RPS6KC1: variants seen among roughly 807,000 people sequenced by gnomAD.
RPS6KC1 encodes inactive ribosomal protein S6 kinase delta-1.
In RPS6KC1, 54 loss-of-function variants were observed where a neutral mutation model predicts 103.8. The observed-to-expected ratio is 0.52, with a 90% CI of 0.42 to 0.65. RPS6KC1 has a LOEUF of 0.65. Ranked by LOEUF, RPS6KC1 falls within the 30% of genes least tolerant of loss-of-function variation. The probability of loss-of-function intolerance (pLI) is 0.00; values close to 1 mark genes in which losing one functional copy is unlikely to be tolerated. For missense variants in RPS6KC1, 1,151 were observed against 1,253.8 expected, an observed-to-expected ratio of 0.92 and a Z score of 1.24; for synonymous variants, 439 against 438.7, an observed-to-expected ratio of 1.00 and a Z score of -0.01.
the RPS6KC1 span, among the ~76,000 whole-genome samples, chr1:213,772,482 T>C: frequency 6.6e-6 from 1 of 152,204 alleles, no homozygotes. Context: ...GAAATATAAT[T>C]GTGTATACTT....
chr1:213,318,243 A>T, the RPS6KC1 span, among the ~76,000 whole-genome samples: 1 of 152,198 alleles, frequency 6.6e-6, no homozygotes, highest in Non-Finnish European at 1.5e-5. Context: ...TATCTTATGG[A>T]TATTTACAGC....
the RPS6KC1 span, among the ~76,000 whole-genome samples, chr1:213,708,945 C>T: frequency 2.0e-5 from 3 of 152,216 alleles, no homozygotes; most frequent in South Asian, 2.1e-4. Context: ...TTGCTGGATT[C>T]GGTTCGCCAG....
chr1:213,484,724 T>G, the RPS6KC1 span, among the ~76,000 whole-genome samples: 1 of 152,320 alleles, frequency 6.6e-6, no homozygotes, highest in Admixed American at 6.5e-5. Context: ...AGTGTCTTGG[T>G]TTAGGTTTGC....
At chr1:213,129,208 A>G (rs576467076) in intron 5 of RPS6KC1, among the ~76,000 whole-genome samples, 2 of 152,344 alleles carry the variant, frequency 1.3e-5, no homozygotes, top group Middle Eastern at 6.8e-3. Flanking sequence ...TATAGCAACT[A>G]TGTGTACAGG....
chr1:213,393,502 G>A, the RPS6KC1 span, among the ~76,000 whole-genome samples: 1 of 152,092 alleles, frequency 6.6e-6, no homozygotes, highest in Non-Finnish European at 1.5e-5. Flanking sequence ...CTGCTCACAG[G>A]CAATTTAAAG....
chr1:213,634,056 A>C, the RPS6KC1 span, among the ~76,000 whole-genome samples: 1 of 152,008 alleles, frequency 6.6e-6, no homozygotes, highest in Non-Finnish European at 1.5e-5. Context: ...GCACCCAATA[A>C]AGGAGCATCC....
the RPS6KC1 span, among the ~76,000 whole-genome samples, chr1:213,358,453 T>G: frequency 6.6e-6 from 1 of 152,254 alleles, no homozygotes; most frequent in African/African-American, 2.4e-5. Context: ...GATGGTAGTT[T>G]GTGTTTCTGT....
chr1:213,478,382 G>C, the RPS6KC1 span, among the ~76,000 whole-genome samples: 5 of 152,060 alleles, frequency 3.3e-5, no homozygotes, highest in Admixed American at 3.3e-4. Context: ...ATCAAGGAGT[G>C]CACTTGCCAG....
the RPS6KC1 span, among the ~76,000 whole-genome samples, chr1:213,381,556 A>G: frequency 6.6e-6 from 1 of 152,094 alleles, no homozygotes; most frequent in Non-Finnish European, 1.5e-5. Flanking sequence ...GAGCAAACCC[A>G]TCCACTTTAC....
At chr1:213,407,212 A>ACG in the RPS6KC1 span, among the ~76,000 whole-genome samples, 15 of 58,416 alleles carry the variant, frequency 2.6e-4, no homozygotes, top group South Asian at 1.6e-3. Flanking sequence ...TATTACATGC[A>ACG]CGCGCGCACA....
the RPS6KC1 span, among the ~76,000 whole-genome samples, chr1:213,648,974 C>T: frequency 6.6e-6 from 1 of 152,164 alleles, no homozygotes; most frequent in African/African-American, 2.4e-5. Flanking sequence ...GAAATTCACA[C>T]TCTTAGGAAC....
the RPS6KC1 span, among the ~76,000 whole-genome samples, chr1:213,377,014 C>T: frequency 2.6e-5 from 4 of 152,152 alleles, no homozygotes; most frequent in African/African-American, 9.7e-5. Flanking sequence ...AAGTAAGAGT[C>T]GCCAAACCAC....
the RPS6KC1 span, among the ~76,000 whole-genome samples, chr1:213,542,865 A>T: frequency 1.3e-5 from 2 of 152,230 alleles, no homozygotes; most frequent in Non-Finnish European, 2.9e-5. Context: ...CAGGTAATTC[A>T]CTGGAAAGAT....
chr1:213,284,449 G>GTTA, the RPS6KC1 span, among the ~76,000 whole-genome samples: 2 of 150,282 alleles, frequency 1.3e-5, no homozygotes, highest in South Asian at 4.3e-4. Context: ...TGAGGTAGAT[G>GTTA]TGGTGAACTA....
chr1:213,860,912 G>T, the RPS6KC1 span, among the ~76,000 whole-genome samples: 1 of 151,720 alleles, frequency 6.6e-6, no homozygotes, highest in Non-Finnish European at 1.5e-5. Flanking sequence ...GGGTTCAAGC[G>T]ATTCTTCTGC....
intron 1 of RPS6KC1, among the ~76,000 whole-genome samples, chr1:213,062,432 A>G (rs1036858444): frequency 6.6e-5 from 10 of 152,348 alleles, no homozygotes; most frequent in Admixed American, 3.9e-4. Context: ...CATTTTGGAA[A>G]AAGGATATTC....
At chr1:213,576,746 A>T in the RPS6KC1 span, among the ~76,000 whole-genome samples, 1 of 152,226 alleles carries the variant, frequency 6.6e-6, no homozygotes, top group Admixed American at 6.5e-5. Flanking sequence ...GCAGAGTTGC[A>T]CATCTCTCAC....
the RPS6KC1 span, among the ~76,000 whole-genome samples, chr1:213,718,304 G>A: frequency 6.6e-5 from 10 of 152,162 alleles, no homozygotes; most frequent in Non-Finnish European, 4.4e-5. Flanking sequence ...ATGAGGCTGG[G>A]GCTCGCCCAC....
At chr1:213,393,977 G>T in the RPS6KC1 span, among the ~76,000 whole-genome samples, 1 of 152,142 alleles carries the variant, frequency 6.6e-6, no homozygotes, top group Non-Finnish European at 1.5e-5. Flanking sequence ...GAGCACCAGC[G>T]CAGGGATTAG....
Sources: allele counts gnomAD v4.1 joint callset (sites outside exome capture counted in the v4.1 genomes callset), GRCh38; gene constraint gnomAD v4.1.1; transcripts MANE v1.5; gene names NCBI Gene and HGNC (gene_info 2026-07-23, HGNC 2026-07-21).